Variants in CLYBL observed in about 807,000 individuals in gnomAD.
CLYBL encodes citramalyl-CoA lyase, mitochondrial.
In CLYBL, 31 loss-of-function variants were observed where a neutral mutation model predicts 38.9. The observed-to-expected ratio is 0.80, with a 90% CI of 0.60 to 1.08. CLYBL has a LOEUF of 1.08. CLYBL is among the 50% of genes least tolerant of loss of function. The pLI is 0.00. For missense variants in CLYBL, 434 were observed against 411.6 expected (o/e 1.05, Z -0.47); for synonymous variants, 171 against 158.6 (o/e 1.08, Z -0.59).
chr13:99,852,892 C>T (rs747531351), intron 2 of CLYBL, among the ~76,000 whole-genome samples: 4 of 152,206 alleles, frequency 2.6e-5, no homozygotes, highest in South Asian at 2.1e-4. Context: ...CTCCATCCAT[C>T]GATTTGCTTT....
chr13:99,736,042 T>C lies in CLYBL; in HGVS notation c.63-36782T>C, dbSNP rs989670299. On this transcript the variant is annotated intron_variant, in intron 1 of 8. Coordinates refer to ENST00000339105, the MANE Select transcript of CLYBL (RefSeq NM_206808.5). ...TATATCCTATACGTTTCTTTTCTTTTTTTTTTTTTTTTTTTTTTTTGAGCT... is the reference window on the plus strand; with the variant it reads ...TATATCCTATACGTTTCTTTTCTTTCTTTTTTTTTTTTTTTTTTTTGAGCT... Among the ~76,000 whole-genome samples the C allele has an allele frequency of 2.0e-3, 267 of 131,196 alleles. 2 individuals are homozygous for C. The highest frequency in any genetic ancestry group is 7.3e-3 in the African/African-American group (241 of 32,830). The allele number at this position is 131,196 out of a possible 152,430, so 86.1% of individuals were successfully genotyped here.
intron 7 of CLYBL, among the ~76,000 whole-genome samples, chr13:99,875,562 G>A (rs1348781488): frequency 6.6e-6 from 1 of 152,198 alleles, no homozygotes; most frequent in Non-Finnish European, 1.5e-5. Flanking sequence ...AGAGAACTCA[G>A]GAGAAGTTTC....
intron 7 of CLYBL, among the ~76,000 whole-genome samples, chr13:99,882,410 T>C (rs2052233487): frequency 1.3e-5 from 2 of 152,166 alleles, no homozygotes; most frequent in Admixed American, 1.3e-4. Flanking sequence ...ATCTCAGCAC[T>C]TTGGGAGGCC....
chr13:99,772,223 C>T (rs937236415), intron 1 of CLYBL, among the ~76,000 whole-genome samples: 1 of 152,038 alleles, frequency 6.6e-6, no homozygotes, highest in Non-Finnish European at 1.5e-5. Context: ...GACAGTATAA[C>T]AATACTGGAA....
chr13:99,642,868 C>T (rs776415097), intron 1 of CLYBL, among the ~76,000 whole-genome samples: 1 of 152,204 alleles, frequency 6.6e-6, no homozygotes, highest in Non-Finnish European at 1.5e-5. Flanking sequence ...AAACCATCCT[C>T]CCACCTCAGC....
At chr13:99,707,728 A>T (rs192480088) in intron 1 of CLYBL, among the ~76,000 whole-genome samples, 72 of 152,324 alleles carry the variant, frequency 4.7e-4, no homozygotes, top group Non-Finnish European at 8.8e-4. Flanking sequence ...GAGGGTATTG[A>T]TAAAGCCTGG....
intron 1 of CLYBL, among the ~76,000 whole-genome samples, chr13:99,770,596 C>T (rs935310192): frequency 5.3e-5 from 8 of 151,970 alleles, no homozygotes; most frequent in African/African-American, 1.7e-4. Context: ...GGATTACAGG[C>T]GTGAGCCACC....
intron 2 of CLYBL, among the ~76,000 whole-genome samples, chr13:99,852,120 C>T (rs927134186): frequency 9.9e-5 from 15 of 152,142 alleles, no homozygotes; most frequent in Non-Finnish European, 2.1e-4. Flanking sequence ...TTATACATTC[C>T]AGAATAAGCA....
rs373484721 is a variant in CLYBL at position 99,709,923 on chromosome 13, C to CTTT, written c.63-62885_63-62883dup. Among the ~76,000 whole-genome samples, 47 of 110,456 alleles carry CTTT rather than the reference C, an allele frequency of 4.3e-4. 1 individual carries two copies. The highest frequency in any genetic ancestry group is 5.4e-4 in the Non-Finnish European group (31 of 57,624). The allele number at this position is 110,456 out of a possible 152,430, so 72.5% of individuals were successfully genotyped here. On this transcript the variant is annotated intron_variant, in intron 1 of 8. Transcript: ENST00000339105. ...CTACCTTTTTTTTTTTTCTTTCTTT[C>CTTT]TTTTTTTTTTTTTTTTTTGAGACGG...
chr13:99,717,084 C>A (rs143738228), intron 1 of CLYBL, among the ~76,000 whole-genome samples: 5,488 of 152,078 alleles, frequency 0.036, 323 homozygotes, highest in African/African-American at 0.13. Context: ...AGCCACCACG[C>A]CCAGCCCCCC....
chr13:99,768,475 G>C lies in CLYBL; in HGVS notation c.63-4349G>C, dbSNP rs192096608. Among the ~76,000 whole-genome samples the C allele has an allele frequency of 8.8e-3, 1,268 of 144,230 alleles. 10 individuals carry two copies. The highest frequency in any genetic ancestry group is 0.013 in the Non-Finnish European group (874 of 66,838). The allele number at this position is 144,230 out of a possible 152,430, so 94.6% of individuals were successfully genotyped here. ...CCCAAAGTGCTGGGATTACAGGTGTGAGCCACTGCGCCCGACCTCTTTTTT... is the reference window on the plus strand; with the variant it reads ...CCCAAAGTGCTGGGATTACAGGTGTCAGCCACTGCGCCCGACCTCTTTTTT... On this transcript the variant is annotated intron_variant, in intron 1 of 8. Transcript: ENST00000339105.
intron 1 of CLYBL, among the ~76,000 whole-genome samples, chr13:99,689,758 G>A (rs984935058): frequency 1.5e-5 from 2 of 131,024 alleles, no homozygotes; most frequent in African/African-American, 5.8e-5. Flanking sequence ...GAGGAGAGCA[G>A]CTTCAACTTT....
In CLYBL at chr13:99,755,872, C is replaced by A. The variant is rs145827491; in HGVS notation, c.63-16952C>A. Among the ~76,000 whole-genome samples the A allele has an allele frequency of 2.6e-3, 400 of 152,324 alleles. 4 individuals are homozygous for A. The highest frequency in any genetic ancestry group is 7.3e-3 in the South Asian group (35 of 4,826). On this transcript the variant is annotated intron_variant, in intron 1 of 8. Coordinates refer to ENST00000339105, the MANE Select transcript of CLYBL (RefSeq NM_206808.5). ...CCTGTCTCATTACTTGGGCTCTCCC[C>A]ACCGAACCGCTGTCAGCATCTGAAG... is the stretch of plus-strand genomic sequence containing the variant.
chr13:99,894,598 A>G (rs2052548850), downstream of CLYBL: 1 of 152,214 alleles, frequency 6.6e-6, no homozygotes, highest in African/African-American at 2.4e-5. Context: ...GGTGCAAGGC[A>G]AGACTGACTG....
chr13:99,741,678 T>C (rs571338954), intron 1 of CLYBL, among the ~76,000 whole-genome samples: 2 of 152,188 alleles, frequency 1.3e-5, no homozygotes, highest in Non-Finnish European at 2.9e-5. Context: ...GGTTTTGCCA[T>C]GTTGCCCAGG....
At chr13:99,750,784 A>G (rs948010041) in intron 1 of CLYBL, among the ~76,000 whole-genome samples, 3 of 151,972 alleles carry the variant, frequency 2.0e-5, no homozygotes, top group Non-Finnish European at 2.9e-5. Context: ...ACTTAAATTT[A>G]TTAGAAATTG....
At chr13:99,626,364 A>G (rs1324806836) in intron 1 of CLYBL, among the ~76,000 whole-genome samples, 1 of 152,290 alleles carries the variant, frequency 6.6e-6, no homozygotes, top group East Asian at 1.9e-4. Flanking sequence ...CTGTGAAGGG[A>G]TTCCCAGGCC....
chr13:99,648,554 C>T (rs140580072), intron 1 of CLYBL, among the ~76,000 whole-genome samples: 3 of 152,212 alleles, frequency 2.0e-5, no homozygotes, highest in African/African-American at 7.2e-5. Flanking sequence ...ATTTAAAGGC[C>T]CCTTTTTCTT....
intron 1 of CLYBL, among the ~76,000 whole-genome samples, chr13:99,762,298 A>G (rs1304500707): frequency 6.6e-6 from 1 of 152,030 alleles, no homozygotes; most frequent in Non-Finnish European, 1.5e-5. Flanking sequence ...TCAAAGTTTC[A>G]GGTCTTAGAT....
Sources: allele counts gnomAD v4.1 joint callset (sites outside exome capture counted in the v4.1 genomes callset), GRCh38; gene constraint gnomAD v4.1.1; transcripts MANE v1.5; gene names NCBI Gene and HGNC (gene_info 2026-07-23, HGNC 2026-07-21).